Variants in GRM5 observed in about 807,000 individuals in gnomAD.
The protein encoded by GRM5 is glutamate metabotropic receptor 5, also known as metabotropic glutamate receptor 5.
A neutral mutation model predicts 83.1 loss-of-function variants in GRM5; 19 were observed. The ratio of observed to expected loss-of-function variants is 0.23; its 90% CI spans 0.16 to 0.34. GRM5 has a LOEUF of 0.34. Ranked by LOEUF, GRM5 falls within the 10% of genes least tolerant of loss-of-function variation. GRM5 has a pLI of 1.00. For missense variants in GRM5, 1,160 were observed against 1,588.3 expected (o/e 0.73, Z 4.58); for synonymous variants, 675 against 633.6 (o/e 1.07, Z -0.98).
In GRM5 at chr11:88,974,374, GAGATAGATAGATAGAT is replaced by G. The variant is rs71046273; in HGVS notation, c.661+72822_661+72837del. 2.1e-3 allele frequency among the ~76,000 whole-genome samples: 313 copies of G among 147,826 alleles called. 2 individuals are homozygous for G. Among genetic ancestry groups the G allele is most frequent in the African/African-American group, 6.6e-3 (262 of 39,806 alleles). On this transcript the variant is annotated intron_variant, in intron 2 of 9. Coordinates refer to ENST00000305447, the MANE Select transcript of GRM5 (RefSeq NM_001143831.3). ...AAACAGTGTTATCTCCCTGGCAATA[GAGATAGATAGATAGAT>G]AGATAGATAGATAGATAGATAGATA...
At chr11:88,944,474 A>G (rs557705168) in intron 2 of GRM5, among the ~76,000 whole-genome samples, 1 of 152,110 alleles carries the variant, frequency 6.6e-6, no homozygotes, top group South Asian at 2.1e-4. Context: ...CTAATAACAT[A>G]TCCATCATCT....
intron 3 of GRM5, among the ~76,000 whole-genome samples, chr11:88,702,105 G>A (rs978836400): frequency 1.3e-5 from 2 of 151,886 alleles, no homozygotes; most frequent in Admixed American, 1.3e-4. Context: ...TTAGCCAAGG[G>A]GGCATTAATT....
chr11:88,758,955 G>A (rs868102996), intron 3 of GRM5, among the ~76,000 whole-genome samples: 13 of 152,112 alleles, frequency 8.5e-5, no homozygotes, highest in African/African-American at 3.1e-4. Context: ...AAAGAAATTC[G>A]AACCCAGAAT....
At chr11:88,821,194 G>A (rs1371661405) in intron 3 of GRM5, among the ~76,000 whole-genome samples, 1 of 152,016 alleles carries the variant, frequency 6.6e-6, no homozygotes, top group African/African-American at 2.4e-5. Context: ...GCTGTTCTAA[G>A]TTTCTGAGAG....
At chr11:89,006,842 G>A (rs1201759810) in intron 2 of GRM5, among the ~76,000 whole-genome samples, 1 of 152,180 alleles carries the variant, frequency 6.6e-6, no homozygotes, top group Non-Finnish European at 1.5e-5. Context: ...CTGTCACCCA[G>A]GCTGGAGTGC....
intron 2 of GRM5, among the ~76,000 whole-genome samples, chr11:88,889,458 T>C (rs61903010): frequency 0.06 from 9,156 of 152,212 alleles, 374 homozygotes; most frequent in Non-Finnish European, 0.087. Context: ...AAAAACACCT[T>C]GTACACTCAC....
intron 4 of GRM5, among the ~76,000 whole-genome samples, chr11:88,623,667 T>A (rs1938707207): frequency 6.6e-6 from 1 of 152,208 alleles, no homozygotes; most frequent in African/African-American, 2.4e-5. Flanking sequence ...GGCAGCTGTA[T>A]TCCAGGAATC....
At chr11:89,019,489 G>A (rs930623414) in intron 2 of GRM5, among the ~76,000 whole-genome samples, 2 of 151,252 alleles carry the variant, frequency 1.3e-5, no homozygotes, top group African/African-American at 4.9e-5. Flanking sequence ...GAGGTCAGGA[G>A]TTCAAGACCA....
At chr11:88,892,025 G>A (rs1447703722) in intron 2 of GRM5, among the ~76,000 whole-genome samples, 1 of 152,010 alleles carries the variant, frequency 6.6e-6, no homozygotes. Flanking sequence ...AATTAAGTAA[G>A]TTATACTCTT....
At chr11:88,544,233 C>G (rs1209139390) in intron 8 of GRM5, among the ~76,000 whole-genome samples, 1 of 152,162 alleles carries the variant, frequency 6.6e-6, no homozygotes, top group African/African-American at 2.4e-5. Context: ...GTGGTATTCT[C>G]TTATAGCAAC....
intron 1 of GRM5, among the ~76,000 whole-genome samples, chr11:89,049,032 A>G (rs1941702922): frequency 6.6e-6 from 1 of 152,190 alleles, no homozygotes; most frequent in Admixed American, 6.5e-5. Context: ...TTAAATTTTC[A>G]AGGGCATTTT....
intron 3 of GRM5, among the ~76,000 whole-genome samples, chr11:88,808,466 A>C (rs1445922478): frequency 6.6e-6 from 1 of 152,044 alleles, no homozygotes; most frequent in Non-Finnish European, 1.5e-5. Context: ...TAATGTTTCC[A>C]CTATACAGGA....
At chr11:88,791,970 A>T (rs1943182183) in intron 3 of GRM5, among the ~76,000 whole-genome samples, 1 of 152,126 alleles carries the variant, frequency 6.6e-6, no homozygotes, top group African/African-American at 2.4e-5. Flanking sequence ...TATGGCATTG[A>T]TCAGTGTACT....
rs866768077 is a variant in GRM5 at position 88,622,127 on chromosome 11, C to T, written c.1148-17163G>A. On this transcript the variant is annotated intron_variant, in intron 4 of 9. Transcript: ENST00000305447. ...CATGGCAATAATTATTTTCTATAAG[C>T]CATTTTATTCTGAAATATTTCAAAG... Among the ~76,000 whole-genome samples the T allele has an allele frequency of 1.3e-3, 193 of 152,184 alleles. 11 individuals carry two copies. The highest frequency in any genetic ancestry group is 6.8e-3 in the Middle Eastern group (2 of 294).
At position 88,574,780 on chromosome 11, in the gene GRM5, T is replaced by C. The variant is rs143687475; in HGVS notation, c.1691-6788A>G. ...AGACTCCATCTCAAAGAAAAAGAAA[T>C]ATTCCTCATGCTGACTAGTCATTTG... On this transcript the variant is annotated intron_variant, in intron 7 of 9. Coordinates refer to ENST00000305447, the MANE Select transcript of GRM5 (RefSeq NM_001143831.3). Among the ~76,000 whole-genome samples, 888 of 152,098 alleles carry C rather than the reference T, an allele frequency of 5.8e-3. 7 individuals carry two copies. The highest frequency in any genetic ancestry group is 0.021 in the African/African-American group (853 of 41,510).
intron 3 of GRM5, among the ~76,000 whole-genome samples, chr11:88,717,167 G>C (rs1041751779): frequency 2.0e-5 from 3 of 151,740 alleles, no homozygotes; most frequent in African/African-American, 7.3e-5. Context: ...ACTTAAATAG[G>C]AATCAGTTCT....
chr11:88,706,636 A>T (rs1183160900), intron 3 of GRM5, among the ~76,000 whole-genome samples: 1 of 152,076 alleles, frequency 6.6e-6, no homozygotes, highest in Admixed American at 6.6e-5. Context: ...TTATTTTTAA[A>T]ACTGCTTTCT....
intron 3 of GRM5, among the ~76,000 whole-genome samples, chr11:88,777,084 C>T (rs546983517): frequency 3.9e-5 from 6 of 152,158 alleles, no homozygotes; most frequent in Admixed American, 6.5e-5. Flanking sequence ...ACCAATCAAA[C>T]GTAGATTTGG....
chr11:88,984,075 A>C (rs535243511), intron 2 of GRM5, among the ~76,000 whole-genome samples: 1 of 152,300 alleles, frequency 6.6e-6, no homozygotes, highest in South Asian at 2.1e-4. Flanking sequence ...AAAGTAAAAA[A>C]GTTACAGTAA....
Sources: allele counts gnomAD v4.1 joint callset (sites outside exome capture counted in the v4.1 genomes callset), GRCh38; gene constraint gnomAD v4.1.1; transcripts MANE v1.5; gene names NCBI Gene and HGNC (gene_info 2026-07-23, HGNC 2026-07-21).